TESC: variants seen among roughly 807,000 people sequenced by gnomAD.
The protein encoded by TESC is calcineurin B homologous protein 3.
A neutral mutation model predicts 31.0 loss-of-function variants in TESC; 19 were observed. That is an observed-to-expected ratio of 0.61 (90% CI 0.43 to 0.90). TESC has a LOEUF of 0.90. Ranked by LOEUF, TESC falls within the 40% of genes least tolerant of loss-of-function variation. The pLI, the probability that TESC is intolerant of heterozygous loss-of-function variation, is 0.00. For synonymous variants in TESC, 109 were observed against 114.8 expected, an observed-to-expected ratio of 0.95 and a Z score of 0.32; for missense variants, 248 against 303.8, an observed-to-expected ratio of 0.82 and a Z score of 1.36.
rs529742363 is a variant in TESC at position 117,044,293 on chromosome 12, A to T, written c.519+2266T>A. Among the ~76,000 whole-genome samples, 528 of 149,832 alleles carry T rather than the reference A, an allele frequency of 3.5e-3. 6 individuals carry two copies. The highest frequency in any genetic ancestry group is 1.9e-3 in the Non-Finnish European group (125 of 67,312). On this transcript the variant is annotated intron_variant, in intron 6 of 7. Transcript: ENST00000335209. ...TCTCTTAAAAAATAAATAATAAATT[A>T]AAAAAAAAATGAAACCCAGCAGTTC...
chr12:117,067,369 GC>G (rs1954902222), intron 2 of TESC, among the ~76,000 whole-genome samples: 1 of 152,100 alleles, frequency 6.6e-6, no homozygotes, highest in Non-Finnish European at 1.5e-5. Flanking sequence ...TCCGAGACCA[GC>G]CTGGGCAACC....
intron 6 of TESC, among the ~76,000 whole-genome samples, chr12:117,044,534 CG>C (rs1298075909): frequency 1.3e-4 from 20 of 152,168 alleles, no homozygotes; most frequent in Non-Finnish European, 2.6e-4. Flanking sequence ...GAAGCAGCCC[CG>C]GCTGAATGCC....
intron 4 of TESC, among the ~76,000 whole-genome samples, chr12:117,047,428 T>A (rs1443428401): frequency 2.7e-5 from 4 of 150,704 alleles, no homozygotes; most frequent in African/African-American, 9.9e-5. Context: ...TTTTTTTTAA[T>A]GTATTTATTT....
chr12:117,054,902 C>T (rs1954699173), intron 3 of TESC, among the ~76,000 whole-genome samples: 1 of 152,166 alleles, frequency 6.6e-6, no homozygotes. Context: ...GCCACAGGCC[C>T]CAGCAGCATG....
At chr12:117,093,780 G>A (rs1198039341) in intron 1 of TESC, among the ~76,000 whole-genome samples, 5 of 145,434 alleles carry the variant, frequency 3.4e-5, no homozygotes, top group African/African-American at 7.8e-5. Context: ...TAGGTCTGGA[G>A]ATTTTTTTTT....
At chr12:117,067,649 C>T (rs184620423) in intron 2 of TESC, among the ~76,000 whole-genome samples, 1 of 152,186 alleles carries the variant, frequency 6.6e-6, no homozygotes, top group South Asian at 2.1e-4. Flanking sequence ...GGATTTAATT[C>T]TGGATGAAGA....
chr12:117,066,612 G>A (rs889617817), intron 2 of TESC, among the ~76,000 whole-genome samples: 2 of 152,036 alleles, frequency 1.3e-5, no homozygotes, highest in Non-Finnish European at 2.9e-5. Flanking sequence ...TGATCCGCCC[G>A]CCTCAGCCTC....
At chr12:117,094,070 T>C (rs1546246) in intron 1 of TESC, among the ~76,000 whole-genome samples, 80,394 of 151,998 alleles carry the variant, frequency 0.53, 22,517 homozygotes, top group African/African-American at 0.72. Flanking sequence ...AGACACCACT[T>C]GGCTGCTGTC....
At chr12:117,070,531 AC>A (rs972305695) in intron 2 of TESC, among the ~76,000 whole-genome samples, 1 of 151,896 alleles carries the variant, frequency 6.6e-6, no homozygotes, top group African/African-American at 2.4e-5. Context: ...CACCTCCCCC[AC>A]CCCCAGTAGC....
At chr12:117,097,302 A>G (rs140278713) in intron 1 of TESC, among the ~76,000 whole-genome samples, 1 of 152,326 alleles carries the variant, frequency 6.6e-6, no homozygotes, top group East Asian at 1.9e-4. Flanking sequence ...CGCTGCAGCT[A>G]CATCTAGGAA....
rs1565971709 is a variant in TESC at position 117,075,924 on chromosome 12, T to TGTATATATAC, written c.59-585_59-584insGTATATATAC. ...ATATATATATATATATGTGTGTGTG[T>TGTATATATAC]ATATATATATATATATGTATATATA... On this transcript the variant is annotated intron_variant, in intron 1 of 7. Coordinates refer to ENST00000335209, the MANE Select transcript of TESC (RefSeq NM_017899.4). 7.4e-4 allele frequency among the ~76,000 whole-genome samples: 48 copies of TGTATATATAC among 65,008 alleles called. 2 individuals are homozygous for TGTATATATAC. Among genetic ancestry groups the TGTATATATAC allele is most frequent in the African/African-American group, 5.0e-3 (47 of 9,338 alleles). 42.6% of individuals were successfully genotyped at this position (65,008 alleles called of 152,430 possible).
At chr12:117,060,398 C>T (rs1954786211) in intron 2 of TESC, among the ~76,000 whole-genome samples, 1 of 152,118 alleles carries the variant, frequency 6.6e-6, no homozygotes, top group Admixed American at 6.5e-5. Context: ...GTGACACATG[C>T]TTTTCTGTAT....
chr12:117,069,098 C>CTTTTTTTTTTTTTT (rs368619527), intron 2 of TESC, among the ~76,000 whole-genome samples: 1 of 147,722 alleles, frequency 6.8e-6, no homozygotes. Flanking sequence ...ATAGAAATTC[C>CTTTTTTTTTTTTTT]TTTTTTTTTT....
intron 2 of TESC, 65 bp downstream of exon 2, chr12:117,075,206 A>G: frequency 6.5e-7 from 1 of 1,528,756 alleles, no homozygotes; most frequent in African/African-American, 1.4e-5. Flanking sequence ...TCAAGAAAAG[A>G]AACAGGACAA....
chr12:117,075,869 A>ATATATATATATGTGTGTGTGTG (rs1955049402), intron 1 of TESC, among the ~76,000 whole-genome samples: 1 of 31,442 alleles, frequency 3.2e-5, no homozygotes, highest in African/African-American at 8.3e-5. Flanking sequence ...ATATATATAT[A>ATATATATATATGTGTGTGTGTG]TGTGTGTATA....
intron 1 of TESC, among the ~76,000 whole-genome samples, chr12:117,090,192 T>C (rs962537331): frequency 6.6e-6 from 1 of 152,178 alleles, no homozygotes; most frequent in Non-Finnish European, 1.5e-5. Context: ...ATAAGAAAAC[T>C]ATATCCATAA....
At chr12:117,070,208 G>A (rs1954947286) in intron 2 of TESC, among the ~76,000 whole-genome samples, 1 of 152,230 alleles carries the variant, frequency 6.6e-6, no homozygotes, top group Admixed American at 6.5e-5. Flanking sequence ...CTGGCAGAGA[G>A]GGGACAGCAC....
intron 6 of TESC, 134 bp from the exon 7 acceptor site, chr12:117,042,128 CAAG>C (rs1232373183): frequency 4.6e-6 from 4 of 878,312 alleles, no homozygotes; most frequent in Middle Eastern, 3.3e-4. Context: ...GGAGGAATCA[CAAG>C]AAGAGGAGAA....
At chr12:117,064,863 C>G (rs1954853760) in intron 2 of TESC, among the ~76,000 whole-genome samples, 1 of 152,236 alleles carries the variant, frequency 6.6e-6, no homozygotes, top group Non-Finnish European at 1.5e-5. Context: ...GCCAGGGATG[C>G]TGCTCAGCAC....
Sources: gnomAD v4.1 joint callset for allele counts (sites outside exome capture counted in the v4.1 genomes callset) on GRCh38, gnomAD v4.1.1 for gene constraint, MANE v1.5 for transcripts, NCBI Gene and HGNC (gene_info 2026-07-23, HGNC 2026-07-21) for gene names.